The following TBC1D14 variants were observed in gnomAD, a reference collection of about 807,000 sequenced individuals.
TBC1D14 encodes the protein TBC1 domain family, member 14.
Under a neutral mutation model 79.0 loss-of-function variants are expected in TBC1D14, and 26 were observed. The ratio of observed to expected loss-of-function variants is 0.33; its 90% CI spans 0.24 to 0.46. TBC1D14 has a LOEUF of 0.46. Ranked by LOEUF, TBC1D14 falls within the 20% of genes least tolerant of loss-of-function variation. TBC1D14 has a pLI of 1.00. For missense variants in TBC1D14, 769 were observed against 887.6 expected, an observed-to-expected ratio of 0.87 and a Z score of 1.70; for synonymous variants, 394 against 349.9, an observed-to-expected ratio of 1.13 and a Z score of -1.40.
chr4:6,979,165 A>G (rs1358476222), intron 3 of TBC1D14, among the ~76,000 whole-genome samples: 1 of 152,248 alleles, frequency 6.6e-6, no homozygotes, highest in African/African-American at 2.4e-5. Context: ...AAAAAGTTCA[A>G]AAAGCTTGAA....
intron 13 of TBC1D14, among the ~76,000 whole-genome samples, chr4:7,026,931 G>A (rs1722434913): frequency 6.6e-6 from 1 of 152,054 alleles, no homozygotes; most frequent in African/African-American, 2.4e-5. Flanking sequence ...AAAACAGGTT[G>A]GCCAGGTGCA....
intron 2 of TBC1D14, among the ~76,000 whole-genome samples, chr4:6,962,120 G>T (rs960203415): frequency 6.6e-6 from 1 of 152,162 alleles, no homozygotes; most frequent in Non-Finnish European, 1.5e-5. Context: ...TCTCCCACCT[G>T]CTGCAGAAGG....
chr4:6,997,619 C>T (rs550315507), intron 5 of TBC1D14, among the ~76,000 whole-genome samples: 1 of 151,832 alleles, frequency 6.6e-6, no homozygotes, highest in Non-Finnish European at 1.5e-5. Flanking sequence ...GAGCGAGACT[C>T]CATCTCAAAA....
At chr4:6,992,760 G>A (rs975352806) in intron 3 of TBC1D14, among the ~76,000 whole-genome samples, 25 of 152,334 alleles carry the variant, frequency 1.6e-4, no homozygotes, top group African/African-American at 5.3e-4. Context: ...GGCTAGTGCC[G>A]TCTTAGGTCA....
chr4:6,925,193 G>A (rs755355536), intron 2 of TBC1D14, among the ~76,000 whole-genome samples: 1 of 152,150 alleles, frequency 6.6e-6, no homozygotes, highest in African/African-American at 2.4e-5. Context: ...CTTGGGAGGA[G>A]GAGGCAGAGG....
chr4:7,017,708 CTG>C (rs748186716), intron 12 of TBC1D14, among the ~76,000 whole-genome samples: 4 of 152,204 alleles, frequency 2.6e-5, no homozygotes, highest in Non-Finnish European at 5.9e-5. Flanking sequence ...GAAGTGCTGA[CTG>C]TGTTCTAGAA....
intron 1 of TBC1D14, among the ~76,000 whole-genome samples, chr4:6,917,436 T>A (rs1243242122): frequency 1.3e-5 from 2 of 152,062 alleles, no homozygotes; most frequent in East Asian, 3.9e-4. Context: ...CTGGGAGCTT[T>A]CTGGGAGAGG....
intron 2 of TBC1D14, among the ~76,000 whole-genome samples, chr4:6,945,503 C>G (rs1207482671): frequency 6.6e-6 from 1 of 152,022 alleles, no homozygotes; most frequent in Non-Finnish European, 1.5e-5. Flanking sequence ...AATCCCAGCA[C>G]TTTGGGAGGC....
At chr4:6,946,646 G>C (rs1247014864) in intron 2 of TBC1D14, among the ~76,000 whole-genome samples, 1 of 152,116 alleles carries the variant, frequency 6.6e-6, no homozygotes. Context: ...TTAATAAGCA[G>C]AGTTAACAGA....
chr4:6,945,344 T>C (rs569558046), intron 2 of TBC1D14, among the ~76,000 whole-genome samples: 1 of 152,218 alleles, frequency 6.6e-6, no homozygotes, highest in East Asian at 1.9e-4. Context: ...GTGTTTACAG[T>C]TTGATTTTTC....
At chr4:6,940,426 C>T (rs377614017) in intron 2 of TBC1D14, among the ~76,000 whole-genome samples, 2 of 152,124 alleles carry the variant, frequency 1.3e-5, no homozygotes, top group African/African-American at 4.8e-5. Context: ...CAGAAAGAAC[C>T]GCCCTCAGGG....
intron 7 of TBC1D14, among the ~76,000 whole-genome samples, chr4:7,001,860 C>T (rs1339591787): frequency 6.6e-6 from 1 of 152,126 alleles, no homozygotes; most frequent in Non-Finnish European, 1.5e-5. Flanking sequence ...GCCAGGAGCC[C>T]GCAGACTTCA....
intron 3 of TBC1D14, among the ~76,000 whole-genome samples, chr4:6,976,510 A>G (rs529313644): frequency 5.9e-5 from 9 of 152,390 alleles, no homozygotes; most frequent in African/African-American, 2.2e-4. Context: ...CAGAAAAAGT[A>G]AAACGATATT....
At chr4:7,013,452 A>C (rs534477385) in intron 11 of TBC1D14, among the ~76,000 whole-genome samples, 1 of 152,338 alleles carries the variant, frequency 6.6e-6, no homozygotes, top group South Asian at 2.1e-4. Context: ...CTGGGCCACT[A>C]TCAGACGGGT....
chr4:6,969,094 CTGTAA>C (rs1191239075), intron 3 of TBC1D14, among the ~76,000 whole-genome samples: 1 of 152,204 alleles, frequency 6.6e-6, no homozygotes, highest in Non-Finnish European at 1.5e-5. Context: ...CCATTCTCTG[CTGTAA>C]TCATCTGGAC....
chr4:7,030,620 C>G lies in TBC1D14; in HGVS notation c.*228C>G. Reference sequence around the variant, plus strand: ...AGGATGAGCTGCTGCGGACCACAGCCAGCCACTGCATCTGCTGCACAGTTG... The same window carrying G: ...AGGATGAGCTGCTGCGGACCACAGCGAGCCACTGCATCTGCTGCACAGTTG... On this transcript the variant is annotated 3_prime_UTR_variant, in exon 14 of 14. Transcript: ENST00000409757. 2.1e-6 allele frequency: 1 copy of G among 466,964 alleles called. No homozygotes were observed. The highest frequency in any genetic ancestry group is 2.3e-5 in the South Asian group (1 of 43,750). The allele number at this position is 466,964 out of a possible 1,614,324, so 28.9% of individuals were successfully genotyped here.
chr4:7,023,648 A>G (rs1323088910), intron 12 of TBC1D14, among the ~76,000 whole-genome samples: 2 of 152,170 alleles, frequency 1.3e-5, no homozygotes, highest in Non-Finnish European at 2.9e-5. Context: ...TGAGGCTCAG[A>G]CATCAGAGCG....
At chr4:6,919,041 C>T (rs1210801353) in intron 1 of TBC1D14, among the ~76,000 whole-genome samples, 1 of 152,120 alleles carries the variant, frequency 6.6e-6, no homozygotes, top group African/African-American at 2.4e-5. Context: ...ACACTGAAAA[C>T]GTGTTCACGC....
chr4:6,924,367 C>G (rs987955910), intron 2 of TBC1D14, among the ~76,000 whole-genome samples: 2 of 152,136 alleles, frequency 1.3e-5, no homozygotes, highest in Non-Finnish European at 2.9e-5. Flanking sequence ...CTGTGGCTGT[C>G]CCACAGGTGG....
Sources: allele counts gnomAD v4.1 joint callset (sites outside exome capture counted in the v4.1 genomes callset), GRCh38; gene constraint gnomAD v4.1.1; transcripts MANE v1.5; gene names NCBI Gene and HGNC (gene_info 2026-07-23, HGNC 2026-07-21).